Variants in WARS1 observed in about 807,000 individuals in gnomAD.
The protein encoded by WARS1 is tryptophan--tRNA ligase, cytoplasmic.
A neutral mutation model predicts 47.8 loss-of-function variants in WARS1; 17 were observed. The ratio of observed to expected loss-of-function variants is 0.36; its 90% CI spans 0.24 to 0.53. The LOEUF (loss-of-function observed/expected upper bound fraction) is 0.53. Ranked by LOEUF, WARS1 falls within the 20% of genes least tolerant of loss-of-function variation. WARS1 has a pLI of 0.91. For synonymous variants in WARS1, 208 were observed against 228.1 expected (o/e 0.91, Z 0.79); for missense variants, 434 against 608.0 (o/e 0.71, Z 3.01).
Position 100,361,826 on chromosome 14 carries a change from C to A in WARS1, c.195G>T (p.Gly65=). The part of the protein sequence containing the change: ...GEDYKADCPP[G]NPAPTSNHGP... ...CATGATTACTGGTAGGTGCTGGGTT[C>A]CCTGGAGGACAGTCAGCCTTGTAAT... is the stretch of plus-strand genomic sequence containing the variant. Residue 65 remains glycine (G), a synonymous_variant, in exon 3 of 11, where the codon GGG becomes GGT. Transcript: ENST00000392882. The A allele has an allele frequency of 6.2e-7, 1 of 1,614,154 alleles. No homozygotes were observed. The highest frequency in any genetic ancestry group is 8.5e-7 in the Non-Finnish European group (1 of 1,180,048).
chr14:100,364,586 C>T (rs1298453264), intron 2 of WARS1, among the ~76,000 whole-genome samples: 6 of 152,220 alleles, frequency 3.9e-5, no homozygotes, highest in Admixed American at 2.6e-4. Flanking sequence ...CTGAATTTTT[C>T]ACCACTTAAC....
intron 2 of WARS1, chr14:100,365,452 C>T (rs113376138): frequency 0.027 from 6,509 of 245,340 alleles, 137 homozygotes; most frequent in East Asian, 0.073. Context: ...TGGTGGCGGG[C>T]GCCTGCAGTC....
At chr14:100,353,278 T>C (rs1256603087) in intron 6 of WARS1, among the ~76,000 whole-genome samples, 1 of 151,902 alleles carries the variant, frequency 6.6e-6, no homozygotes, top group Non-Finnish European at 1.5e-5. Flanking sequence ...TGAGATGGAG[T>C]CTCGCTCTGT....
At position 100,369,158 on chromosome 14, in the gene WARS1, G is replaced by T. The variant is rs1896188369; in HGVS notation, c.28C>A (p.Leu10Met). 2.6e-6 allele frequency: 4 copies of T among 1,543,090 alleles called. No homozygotes were observed. Among genetic ancestry groups the T allele is most frequent in the Admixed American group, 1.8e-5 (1 of 56,132 alleles). MPNSEPASL[L>M]ELFNSIATQG... ...GTGGCGATGCTGTTGAACAGCTCCA[G>T]CAGAGATGCGGGCTCACTGTTGGGC... Residue 10 changes from leucine to methionine, a missense_variant, in exon 2 of 11, where the codon CTG becomes ATG. Physicochemically the swap from Leu to Met is conservative, Grantham distance 15. This residue lies in a region of WARS1 where 87 missense variants were observed against 84.2 expected (regional missense o/e 1.03). Transcript: ENST00000392882.
chr14:100,355,525 A>G (rs1895256371), intron 4 of WARS1, among the ~76,000 whole-genome samples: 1 of 151,968 alleles, frequency 6.6e-6, no homozygotes, highest in African/African-American at 2.4e-5. Context: ...CTGGCCGGGA[A>G]TTTGTATTTT....
intron 6 of WARS1, among the ~76,000 whole-genome samples, chr14:100,351,000 G>A (rs1318594381): frequency 6.6e-6 from 1 of 152,178 alleles, no homozygotes; most frequent in Non-Finnish European, 1.5e-5. Flanking sequence ...AGAAGGATGT[G>A]GAACTGCAAG....
At chr14:100,372,279 G>A (rs1488159429) in intron 1 of WARS1, among the ~76,000 whole-genome samples, 1 of 151,916 alleles carries the variant, frequency 6.6e-6, no homozygotes, top group Non-Finnish European at 1.5e-5. Flanking sequence ...CGAGTGAAAG[G>A]TAACATGGAT....
rs113761655 is a variant in WARS1 at position 100,366,689 on chromosome 14, C to G, written c.99+2398G>C. 7.6e-5 allele frequency: 60 copies of G among 786,174 alleles called. No homozygotes were observed. The African/African-American group carries it at 8.5e-4, about 11-fold the overall frequency. The allele number at this position is 786,174 out of a possible 1,614,324, so 48.7% of individuals were successfully genotyped here. ...AATGGAACTTCTAGATTACAGACAA[C>G]GGAAGACAGAAGGGACACCATTAGA... On this transcript the variant is annotated intron_variant, in intron 2 of 10. Coordinates refer to ENST00000392882, the MANE Select transcript of WARS1 (RefSeq NM_004184.4).
chr14:100,362,067 G>GTC (rs1406673315), intron 2 of WARS1, 146 bp from the exon 3 acceptor site: 2 of 802,290 alleles, frequency 2.5e-6, no homozygotes, highest in African/African-American at 3.4e-5. Flanking sequence ...AGGTATTGTT[G>GTC]TCACTGTCCT....
intron 7 of WARS1, among the ~76,000 whole-genome samples, chr14:100,345,154 A>G (rs1341159718): frequency 1.5e-3 from 219 of 147,582 alleles, no homozygotes; most frequent in African/African-American, 5.3e-3. Context: ...CCCGGCCACC[A>G]CCCCGTCTGG....
At chr14:100,361,011 A>G (rs1001165785) in intron 3 of WARS1, among the ~76,000 whole-genome samples, 1 of 151,712 alleles carries the variant, frequency 6.6e-6, no homozygotes, top group Non-Finnish European at 1.5e-5. Flanking sequence ...ATATATATAT[A>G]TTTGTTTATT....
At chr14:100,374,919 A>G (rs972079366) in intron 1 of WARS1, 1 of 152,190 alleles carries the variant, frequency 6.6e-6, no homozygotes, top group Admixed American at 6.5e-5. Flanking sequence ...CAGCATGAAC[A>G]TTATCTTAAA....
At chr14:100,359,552 C>T (rs1595445412) in intron 4 of WARS1, among the ~76,000 whole-genome samples, 1 of 152,142 alleles carries the variant, frequency 6.6e-6, no homozygotes, top group East Asian at 1.9e-4. Flanking sequence ...CCTACTGTTC[C>T]AAAATTGGAA....
chr14:100,356,097 A>G (rs1895293892), intron 4 of WARS1, among the ~76,000 whole-genome samples: 1 of 152,130 alleles, frequency 6.6e-6, no homozygotes, highest in Admixed American at 6.6e-5. Context: ...TCAGCTACTA[A>G]GGGAACCCAG....
intron 7 of WARS1, among the ~76,000 whole-genome samples, chr14:100,344,838 TCCGCCCGGCAACCGC>T (rs1595418195): frequency 4.1e-5 from 6 of 147,856 alleles, no homozygotes; most frequent in East Asian, 2.1e-4. Flanking sequence ...GAGGAGACCC[TCCGCCCGGCAACCGC>T]CCGCCTGAGA....
At chr14:100,358,593 G>A (rs1895476727) in intron 4 of WARS1, among the ~76,000 whole-genome samples, 2 of 152,260 alleles carry the variant, frequency 1.3e-5, no homozygotes, top group South Asian at 4.1e-4. Context: ...AGAAACCATA[G>A]GTGTAAATCT....
At chr14:100,335,090 T>C in intron 10 of WARS1, 54 bp from the exon 11 acceptor site, 8 of 1,571,136 alleles carry the variant, frequency 5.1e-6, no homozygotes, top group Non-Finnish European at 6.9e-6. Flanking sequence ...CCTGAGTGGC[T>C]CCTTCCTGCC....
chr14:100,337,318 C>A lies in WARS1; in HGVS notation c.1114-116G>T, dbSNP rs2234528. 1,161,387 of 1,489,466 alleles carry A rather than the reference C, an allele frequency of 0.78. 454,709 individuals are homozygous for A. Among genetic ancestry groups the A allele is most frequent in the East Asian group, 0.88 (38,187 of 43,510 alleles). 92.3% of individuals were successfully genotyped at this position (1,489,466 alleles called of 1,614,324 possible). A position where few individuals can be genotyped will look rare whatever the true frequency, so the allele number is the denominator to read the frequency against. On this transcript the variant is annotated intron_variant, in intron 9 of 10. Transcript: ENST00000392882. ...TGTGAGTGCTGTCAGATTCTGGACC[C>A]GGGAAAGGCCAAGGCGCACAGCCGG...
Position 100,369,211 on chromosome 14 carries a change from T to A in WARS1, c.-26A>T. 10 of 1,356,444 alleles carry A rather than the reference T, an allele frequency of 7.4e-6. No individual in the cohort carries two copies. Among genetic ancestry groups the A allele is most frequent in the Non-Finnish European group, 9.7e-6 (10 of 1,035,288 alleles). 84.0% of individuals were successfully genotyped at this position (1,356,444 alleles called of 1,614,324 possible). On this transcript the variant is annotated 5_prime_UTR_variant, in exon 2 of 11. Transcript: ENST00000392882. ...GTTTGCTATCTCTCAGGAACTACGT[T>A]CACAGCCGGCCTGAGGTCAGAGGAT...
Sources: gnomAD v4.1 joint callset for allele counts (sites outside exome capture counted in the v4.1 genomes callset) on GRCh38, gnomAD v4.1.1 for gene constraint, gnomAD v4.1.1 regional missense constraint, MANE v1.5 for transcripts, NCBI Gene and HGNC (gene_info 2026-07-23, HGNC 2026-07-21) for gene names.